PDE12: variants seen among roughly 807,000 people sequenced by gnomAD.
PDE12 encodes the protein 2',5'-phosphodiesterase 12.
A neutral mutation model predicts 45.4 loss-of-function variants in PDE12; 26 were observed. The observed-to-expected ratio is 0.57, with a 90% CI of 0.42 to 0.79. The LOEUF is 0.79. PDE12 is among the 30% of genes least tolerant of loss of function. PDE12 has a pLI of 0.00. For synonymous variants in PDE12, 283 were observed against 323.9 expected (o/e 0.87, Z 1.36); for missense variants, 668 against 790.0 (o/e 0.85, Z 1.85).
At chr3:57,631,062 T>C in the PDE12 span, 2 of 1,286,948 alleles carry the variant, frequency 1.6e-6, no homozygotes, top group Non-Finnish European at 2.2e-6. Flanking sequence ...GTCTTTTAAG[T>C]TTTTAATCAT....
Position 57,556,591 on chromosome 3 carries a change from T to A in PDE12, c.212T>A (p.Leu71Gln). The A allele has an allele frequency of 6.2e-7, 1 of 1,613,198 alleles. No homozygotes were observed. Among genetic ancestry groups the A allele is most frequent in the Non-Finnish European group, 8.5e-7 (1 of 1,179,830 alleles). Residue 71 changes from leucine to glutamine, a missense_variant, in exon 1 of 3, where the codon CTG (leucine) becomes CAG (glutamine). Physicochemically the swap from Leu to Gln is moderately radical, Grantham distance 113. This residue lies in a region of PDE12 where 580 missense variants were observed against 662.9 expected (regional missense o/e 0.87). Coordinates refer to ENST00000311180, the MANE Select transcript of PDE12 (RefSeq NM_177966.7). This position sits in a 1 kb window ranked among gnomAD's most constrained non-coding sequence, Gnocchi z 5.0. ...KNMQRDQSEP[L>Q]GRVLSRIATN... ...ATGCAGCGCGACCAGAGCGAGCCGC[T>A]GGGTCGAGTCCTCAGCCGCATCGCT...
the PDE12 span, among the ~76,000 whole-genome samples, chr3:57,596,394 A>G: frequency 6.6e-6 from 1 of 152,242 alleles, no homozygotes; most frequent in African/African-American, 2.4e-5. Flanking sequence ...ACACATTTAA[A>G]GTTTTTGAAA....
chr3:57,630,229 T>C, the PDE12 span: 24 of 486,162 alleles, frequency 4.9e-5, no homozygotes, highest in East Asian at 7.2e-5. Flanking sequence ...CAAAGAATCA[T>C]TGTAAAGATT....
the PDE12 span, among the ~76,000 whole-genome samples, chr3:57,613,814 T>C: frequency 2.9e-5 from 4 of 139,618 alleles, no homozygotes; most frequent in African/African-American, 1.1e-4. Context: ...GGCAGGAGAA[T>C]GGCGTGAACC....
chr3:57,629,276 C>T, the PDE12 span, among the ~76,000 whole-genome samples: 4 of 152,122 alleles, frequency 2.6e-5, no homozygotes, highest in African/African-American at 7.2e-5. Context: ...ATGTACACTT[C>T]GTGTTTTCGG....
At chr3:57,588,476 G>A in the PDE12 span, among the ~76,000 whole-genome samples, 1 of 152,226 alleles carries the variant, frequency 6.6e-6, no homozygotes, top group Non-Finnish European at 1.5e-5. Flanking sequence ...GGGAGGCTGA[G>A]GCAGGTGGAT....
At chr3:57,589,474 C>T in the PDE12 span, among the ~76,000 whole-genome samples, 1 of 152,276 alleles carries the variant, frequency 6.6e-6, no homozygotes, top group East Asian at 1.9e-4. Context: ...AATCCCAGCA[C>T]TTTGGGAGGC....
the PDE12 span, among the ~76,000 whole-genome samples, chr3:57,585,668 T>TTC: frequency 3.3e-5 from 5 of 150,348 alleles, no homozygotes; most frequent in South Asian, 8.5e-4. Flanking sequence ...CTAAATTCTT[T>TTC]TTTTTTTTTT....
At chr3:57,629,677 A>T in the PDE12 span, among the ~76,000 whole-genome samples, 1 of 147,170 alleles carries the variant, frequency 6.8e-6, no homozygotes, top group South Asian at 2.1e-4. Flanking sequence ...ACGCCCGGCT[A>T]ATTTTTTTTT....
chr3:57,585,550 G>A, the PDE12 span, among the ~76,000 whole-genome samples: 3 of 151,992 alleles, frequency 2.0e-5, no homozygotes, highest in Non-Finnish European at 4.4e-5. Context: ...CACCAACATG[G>A]CACATGTATA....
At chr3:57,603,352 T>A in the PDE12 span, among the ~76,000 whole-genome samples, 13 of 152,252 alleles carry the variant, frequency 8.5e-5, no homozygotes, top group African/African-American at 2.4e-4. Context: ...TTATTTATTT[T>A]TTTTAAGACA....
chr3:57,571,884 C>A, the PDE12 span: 22 of 221,602 alleles, frequency 9.9e-5, no homozygotes, highest in African/African-American at 4.8e-4. Flanking sequence ...AAGGGGATAA[C>A]TTTAAAACAT....
chr3:57,579,231 G>A, the PDE12 span, among the ~76,000 whole-genome samples: 4 of 82,742 alleles, frequency 4.8e-5, no homozygotes, highest in African/African-American at 1.8e-4. Flanking sequence ...TCCAGCCTGG[G>A]CGACAAGAGC....
At chr3:57,594,003 C>G in the PDE12 span, among the ~76,000 whole-genome samples, 1 of 152,064 alleles carries the variant, frequency 6.6e-6, no homozygotes, top group Non-Finnish European at 1.5e-5. Context: ...TGCTTGTAAT[C>G]CTAGCACTTT....
the PDE12 span, chr3:57,575,449 C>T: frequency 8.2e-7 from 1 of 1,223,840 alleles, no homozygotes; most frequent in Non-Finnish European, 1.1e-6. Flanking sequence ...ATTATTTGTC[C>T]AAAGGAGATA....
chr3:57,597,279 C>G, the PDE12 span: 3 of 790,758 alleles, frequency 3.8e-6, no homozygotes, highest in East Asian at 2.8e-5. Flanking sequence ...AGAAACGTCT[C>G]AGTGGCCCCT....
At chr3:57,654,935 A>G in the PDE12 span, 1 of 305,598 alleles carries the variant, frequency 3.3e-6, no homozygotes, top group Non-Finnish European at 4.8e-6. Context: ...TCACAAATAA[A>G]GCATTAATCT....
the PDE12 span, among the ~76,000 whole-genome samples, chr3:57,653,461 G>C: frequency 2.0e-5 from 3 of 152,068 alleles, no homozygotes; most frequent in East Asian, 3.9e-4. Flanking sequence ...AATATTAGTA[G>C]TAGGCCGGGC....
chr3:57,612,752 AGAGT>A, the PDE12 span, among the ~76,000 whole-genome samples: 1 of 148,188 alleles, frequency 6.7e-6, no homozygotes. Flanking sequence ...GCCTGGTGAC[AGAGT>A]GAGAGTCCAC....
Sources: allele counts gnomAD v4.1 joint callset (sites outside exome capture counted in the v4.1 genomes callset), GRCh38; gene constraint gnomAD v4.1.1; regional missense constraint gnomAD v4.1.1; non-coding constraint Gnocchi (gnomAD v3.1); transcripts MANE v1.5; gene names NCBI Gene and HGNC (gene_info 2026-07-23, HGNC 2026-07-21).